Variants in ZAN observed in about 807,000 individuals in gnomAD.
ZAN encodes zonadhesin (gene/pseudogene).
Under a neutral mutation model 286.2 loss-of-function variants are expected in ZAN, and 260 were observed. The ratio of observed to expected loss-of-function variants is 0.91; its 90% CI spans 0.82 to 1.01. The LOEUF is 1.01. Among genes scored for constraint, ZAN ranks in the 50% least tolerant of loss-of-function variants. ZAN has a pLI of 0.00. For synonymous variants in ZAN, 1,368 were observed against 1,417.5 expected (o/e 0.97, Z 0.79); for missense variants, 3,410 against 3,639.2 (o/e 0.94, Z 1.62).
At position 100,773,429 on chromosome 7, in the gene ZAN, G is replaced by C; in HGVS notation, c.5570G>C (p.Ser1857Thr). 6.2e-7 allele frequency: 1 copy of C among 1,614,038 alleles called. No individual in the cohort carries two copies. The highest frequency in any genetic ancestry group is 1.1e-5 in the South Asian group (1 of 91,090). Residue 1857 changes from serine to threonine, a missense_variant, in exon 30 of 48, where the codon AGT becomes ACT. Coordinates refer to ENST00000613979, the MANE Select transcript of ZAN (RefSeq NM_003386.3). ...SCECQKGHIL[S>T]GTSCVPLGQC... Reference sequence around the variant, plus strand: ...GAATGTCAGAAAGGCCACATCTTGAGTGGAACCTCCTGCGTGCCCCTTGGC... The same window carrying C: ...GAATGTCAGAAAGGCCACATCTTGACTGGAACCTCCTGCGTGCCCCTTGGC...
At position 100,791,168 on chromosome 7, in the gene ZAN, G is replaced by A. The variant is rs980429650; in HGVS notation, c.7529+55G>A. The A allele has an allele frequency of 1.7e-4, 259 of 1,563,920 alleles. 3 individuals carry two copies. In the Admixed American group the frequency reaches 4.4e-3, roughly 26 times the overall value. On this transcript the variant is annotated intron_variant, in intron 40 of 47. Transcript: ENST00000613979. Reference sequence around the variant, plus strand: ...GAGGTGAACAACAATGTCTGTGCACGGTGGCCGCTAGCCCTCCTGTCCTCA... The same window carrying A: ...GAGGTGAACAACAATGTCTGTGCACAGTGGCCGCTAGCCCTCCTGTCCTCA...
chr7:100,744,325 G>A (rs947939925), intron 7 of ZAN, among the ~76,000 whole-genome samples: 7 of 151,072 alleles, frequency 4.6e-5, no homozygotes, highest in Non-Finnish European at 7.4e-5. Flanking sequence ...CTGGCCAGGC[G>A]TGGTGGCTCA....
chr7:100,797,502 G>A (rs1275422393), intron 46 of ZAN, 37 bp downstream of exon 46: 2 of 1,613,788 alleles, frequency 1.2e-6, no homozygotes, highest in Non-Finnish European at 1.7e-6. Context: ...GGCGGGTGGG[G>A]TGTGCAAACC....
Position 100,747,559 on chromosome 7 carries a change from G to A in ZAN, c.941G>A (p.Arg314Gln), listed in dbSNP as rs553925637. Residue 314 changes from arginine (R) to glutamine (Q), a missense_variant, in exon 9 of 48, where the codon CGG becomes CAG. Physicochemically the swap from Arg to Gln is conservative, Grantham distance 43 (BLOSUM62 1). Coordinates refer to ENST00000613979, the MANE Select transcript of ZAN (RefSeq NM_003386.3). Reference protein sequence around the residue: ...HIYASVLGSIRKHTLFSGQPG... With the variant: ...HIYASVLGSIQKHTLFSGQPG... The stretch of plus-strand genomic sequence containing the variant: ...ATTCCTTTCACTGCAGGGAGTATCC[G>A]GAAACACACTCTCTTCTCAGGACAA... 23 of 1,613,788 alleles carry A rather than the reference G, an allele frequency of 1.4e-5. No homozygotes were observed. The highest frequency in any genetic ancestry group is 8.8e-5 in the South Asian group (8 of 91,080).
Position 100,758,716 on chromosome 7 carries a change from G to A in ZAN, c.3571+66G>A, listed in dbSNP as rs1024995787. The A allele has an allele frequency of 3.3e-6, 5 of 1,528,860 alleles. No individual in the cohort carries two copies. The South Asian group carries it at 3.6e-5, about 11-fold the overall frequency. 94.7% of individuals were successfully genotyped at this position (1,528,860 alleles called of 1,614,324 possible). A position where few individuals can be genotyped will look rare whatever the true frequency, so the allele number is the denominator to read the frequency against. Reference sequence around the variant, plus strand: ...TGTGGGCAGCGCTGCTAGGCATGGGGCATGGTGGGTGGCAGGAAGGGGCAG... The same window carrying A: ...TGTGGGCAGCGCTGCTAGGCATGGGACATGGTGGGTGGCAGGAAGGGGCAG... On this transcript the variant is annotated intron_variant, in intron 17 of 47. Transcript: ENST00000613979.
chr7:100,774,703 G>A (rs2571603), intron 31 of ZAN, among the ~76,000 whole-genome samples: 4,715 of 151,892 alleles, frequency 0.031, 113 homozygotes, highest in Middle Eastern at 0.092. Context: ...CTTTATGCCT[G>A]TAGTCCCAGA....
chr7:100,794,426 A>T (rs1812216524), intron 44 of ZAN, among the ~76,000 whole-genome samples, 168 bp downstream of exon 44: 1 of 152,172 alleles, frequency 6.6e-6, no homozygotes, highest in Non-Finnish European at 1.5e-5. Context: ...ATCCCTAAGC[A>T]TCCATGACCT....
rs1447339036 is a variant in ZAN, at chr7:100,750,807, A to G, written c.1432A>G (p.Ile478Val). ...GGGAAGTCCTGCGGGGAGTCCCCCG[A>G]TTCCTCTCTGGAAACGCGTGGGGTC... ...LLGSPAGSPP[I>V]PLWKRVGSQR... The change falls in exon 12 of 48, where the codon ATT (isoleucine) becomes GTT (valine). Residue 478 changes from isoleucine (I) to valine (V), a missense_variant. Transcript: ENST00000613979. 2 of 1,608,696 alleles carry G rather than the reference A, an allele frequency of 1.2e-6. No individual in the cohort carries two copies. Among genetic ancestry groups the G allele is most frequent in the Non-Finnish European group, 1.7e-6 (2 of 1,176,484 alleles).
At position 100,788,156 on chromosome 7, in the gene ZAN, C is replaced by A; in HGVS notation, c.7227+20C>A. ...CTTGTGGTAAGAGCTGGGCCAGGGC[C>A]TGGTGGGTGTGGGGAGGCAGCTGGA... On this transcript the variant is annotated intron_variant, in intron 38 of 47. Transcript: ENST00000613979. 1.4e-6 allele frequency: 2 copies of A among 1,458,760 alleles called. No homozygotes were observed. Among genetic ancestry groups the A allele is most frequent in the South Asian group, 1.5e-5 (1 of 67,096 alleles). 90.4% of individuals were successfully genotyped at this position (1,458,760 alleles called of 1,614,324 possible).
In ZAN at chr7:100,788,015, A is replaced by G; in HGVS notation, c.7106A>G (p.Glu2369Gly). Residue 2369 changes from glutamate (E) to glycine (G), a missense_variant, in exon 38 of 48, where the codon GAG becomes GGG. Glu to Gly is a moderately conservative substitution (Grantham distance 98). Coordinates refer to ENST00000613979, the MANE Select transcript of ZAN (RefSeq NM_003386.3). ...GTGGACGTACTGCCTGAGGGGGTGG[A>G]GCCCCTCCTCGTGGAAGGACGCAAC... ...KTVDVLPEGV[E>G]PLLVEGRNKM... is the part of the protein sequence containing the mutation. The G allele has an allele frequency of 1.9e-6, 3 of 1,570,360 alleles. No individual in the cohort carries two copies. The highest frequency in any genetic ancestry group is 2.6e-6 in the Non-Finnish European group (3 of 1,150,170).
Position 100,773,739 on chromosome 7 carries a change from A to G in ZAN, c.5653A>G (p.Thr1885Ala). The change falls in exon 31 of 48, where the codon ACA (threonine) becomes GCA (alanine). Residue 1885 changes from threonine (T) to alanine (A), a missense_variant. Transcript: ENST00000613979. The stretch of plus-strand genomic sequence containing the variant: ...CCCACAGGTCGGGGAGCGCTGGTAC[A>G]CAGAGAACACCTGCACCAGGCTCTG... The part of the protein sequence containing the change: ...SYHPVGERWY[T>A]ENTCTRLCTC... The G allele has an allele frequency of 6.2e-7, 1 of 1,610,924 alleles. No homozygotes were observed. The highest frequency in any genetic ancestry group is 8.5e-7 in the Non-Finnish European group (1 of 1,178,514).
chr7:100,759,631 C>CG, intron 17 of ZAN, 90 bp from the exon 18 acceptor site: 3 of 1,347,300 alleles, frequency 2.2e-6, no homozygotes, highest in East Asian at 2.9e-5. Context: ...TGGCGCTCAT[C>CG]TCTCCCTGCG....
chr7:100,787,956 GCAAGGCCGCATGACCTATGTTC>G lies in ZAN; in HGVS notation c.7048_7069del (p.Gln2350Ter). 4.0e-6 allele frequency: 2 copies of G among 498,328 alleles called. No homozygotes were observed. The highest frequency in any genetic ancestry group is 2.5e-5 in the South Asian group (1 of 40,208). The allele number at this position is 498,328 out of a possible 1,614,324, so 30.9% of individuals were successfully genotyped here. A position where few individuals can be genotyped will look rare whatever the true frequency, so the allele number is the denominator to read the frequency against. On this transcript the variant is annotated frameshift_variant, in exon 38 of 48. Coordinates refer to ENST00000613979, the MANE Select transcript of ZAN (RefSeq NM_003386.3). LOFTEE classifies it high-confidence loss of function. Reference sequence around the variant, plus strand: ...CATTTGACGGCTTCAGCTACCGCTTGCAAGGCCGCATGACCTATGTTCTGATCAAGACTGTGGACGTACTGCC... The same window carrying G: ...CATTTGACGGCTTCAGCTACCGCTTGTGATCAAGACTGTGGACGTACTGCC...
In ZAN at chr7:100,771,965, G is replaced by C. The variant is rs184998547; in HGVS notation, c.5370G>C (p.Ala1790=). The C allele has an allele frequency of 3.1e-6, 5 of 1,609,630 alleles. No homozygotes were observed. Among genetic ancestry groups the C allele is most frequent in the African/African-American group, 1.3e-5 (1 of 74,828 alleles). Residue 1790 remains alanine (A), a synonymous_variant, in exon 29 of 48, where the codon GCG becomes GCC. Coordinates refer to ENST00000613979, the MANE Select transcript of ZAN (RefSeq NM_003386.3). ...TGTGCCGCTCCCTGCAGGCCTACGC[G>C]TCCCTGTGTGCCCAGGCTGGCCAGG... is the stretch of plus-strand genomic sequence containing the variant. ...TALCRSLQAY[A]SLCAQAGQAP... is the part of the protein sequence containing the mutation.
rs1460481029 is a variant in ZAN at position 100,747,581 on chromosome 7, A to G, written c.963A>G (p.Gly321=). The change falls in exon 9 of 48, where the codon GGA becomes GGG. Residue 321 remains glycine (G), a synonymous_variant. Coordinates refer to ENST00000613979, the MANE Select transcript of ZAN (RefSeq NM_003386.3). ...TCCGGAAACACACTCTCTTCTCAGG[A>G]CAACCTGGGCCCAACTGGCAGGCTG... is the stretch of plus-strand genomic sequence containing the variant. The part of the protein sequence containing the change: ...GSIRKHTLFS[G]QPGPNWQAVS... 3 of 1,613,786 alleles carry G rather than the reference A, an allele frequency of 1.9e-6. No homozygotes were observed. The highest frequency in any genetic ancestry group is 2.2e-5 in the South Asian group (2 of 91,076).
chr7:100,752,013 C>T lies in ZAN; in HGVS notation c.1908C>T (p.Pro636=). The T allele has an allele frequency of 6.2e-7, 1 of 1,612,854 alleles. No individual in the cohort carries two copies. Among genetic ancestry groups the T allele is most frequent in the East Asian group, 2.2e-5 (1 of 44,798 alleles). Residue 636 remains proline (P), a synonymous_variant, in exon 14 of 48, where the codon CCC becomes CCT. Coordinates refer to ENST00000613979, the MANE Select transcript of ZAN (RefSeq NM_003386.3). The part of the protein sequence containing the change: ...PTILTEKPTI[P]SEKPTIPSEK... ...TCCTCACAGAAAAACCCACCATTCC[C>T]TCAGAAAAACCCACCATTCCCTCAG... is the stretch of plus-strand genomic sequence containing the variant.
chr7:100,760,425 C>T lies in ZAN; in HGVS notation c.3731C>T (p.Pro1244Leu), dbSNP rs767769551. 6.2e-7 allele frequency: 1 copy of T among 1,613,780 alleles called. No individual in the cohort carries two copies. The highest frequency in any genetic ancestry group is 2.2e-5 in the East Asian group (1 of 44,888). The change falls in exon 19 of 48, where the codon CCC becomes CTC. Residue 1244 changes from proline (P) to leucine (L), a missense_variant. Physicochemically the swap from Pro to Leu is moderately conservative, Grantham distance 98. Around this residue, in one of 7 missense-constraint regions of ZAN, gnomAD observed 1,042 missense variants for 1,058.0 expected, o/e 0.98. Coordinates refer to ENST00000613979, the MANE Select transcript of ZAN (RefSeq NM_003386.3). Reference sequence around the variant, plus strand: ...CAGCAAGTTACTCTCCCAGCCATACCCTCTAAAGGCGTCTTCCTGGGTGCA... The same window carrying T: ...CAGCAAGTTACTCTCCCAGCCATACTCTCTAAAGGCGTCTTCCTGGGTGCA... ...GGQQVTLPAI[P>L]SKGVFLGASG...
chr7:100,792,630 G>T, intron 42 of ZAN, 151 bp downstream of exon 42: 2 of 1,448,592 alleles, frequency 1.4e-6, no homozygotes, highest in Non-Finnish European at 1.8e-6. Context: ...GCCTCATCTC[G>T]GGCTTTCTGT....
intron 37 of ZAN, among the ~76,000 whole-genome samples, chr7:100,786,935 G>C (rs1811598181): frequency 6.6e-6 from 1 of 152,140 alleles, no homozygotes; most frequent in African/African-American, 2.4e-5. Flanking sequence ...AGTGGCTTGT[G>C]CCTGTAGTCC....
Sources: allele counts gnomAD v4.1 joint callset (sites outside exome capture counted in the v4.1 genomes callset), GRCh38; gene constraint gnomAD v4.1.1; regional missense constraint gnomAD v4.1.1; transcripts MANE v1.5; gene names NCBI Gene and HGNC (gene_info 2026-07-23, HGNC 2026-07-21).